Variants in VTCN1 observed in about 807,000 individuals in gnomAD.
VTCN1 encodes V-set domain containing T cell activation inhibitor 1.
VTCN1 carries 26 observed loss-of-function variants against 26.5 expected under a neutral mutation model. The observed-to-expected ratio is 0.98, with a 90% CI of 0.72 to 1.36. The LOEUF is 1.36. Ranked by LOEUF, VTCN1 falls within the 40% of genes most tolerant of loss-of-function variation. The pLI, the probability that VTCN1 is intolerant of heterozygous loss-of-function variation, is 0.00. For missense variants in VTCN1, 298 were observed against 337.7 expected (o/e 0.88, Z 0.92); for synonymous variants, 116 against 130.7 (o/e 0.89, Z 0.77).
At chr1:117,148,108 C>T (rs1651609766) in intron 4 of VTCN1, among the ~76,000 whole-genome samples, 1 of 152,196 alleles carries the variant, frequency 6.6e-6, no homozygotes, top group Non-Finnish European at 1.5e-5. Context: ...CGCATTTTCC[C>T]TCCAGGCAGT....
intron 1 of VTCN1, among the ~76,000 whole-genome samples, chr1:117,188,938 GT>G (rs1442469296): frequency 1.3e-5 from 2 of 152,134 alleles, no homozygotes; most frequent in Non-Finnish European, 2.9e-5. Flanking sequence ...GTAAAAAATA[GT>G]TTTCTAACTC....
Position 117,193,095 on chromosome 1 carries a change from C to A in VTCN1, c.32+17729G>T, listed in dbSNP as rs572771523. On this transcript the variant is annotated intron_variant, in intron 1 of 5. Transcript: ENST00000369458. ...TATTTTAAGTAATCTAGAGATGATTCAAAGTATATGGGAGATGTGCATAAA... is the reference window on the plus strand; with the variant it reads ...TATTTTAAGTAATCTAGAGATGATTAAAAGTATATGGGAGATGTGCATAAA... Among the ~76,000 whole-genome samples, 4 of 152,210 alleles carry A rather than the reference C, an allele frequency of 2.6e-5. No homozygotes were observed. In the South Asian group the frequency reaches 8.3e-4, roughly 32 times the overall value.
intron 1 of VTCN1, 39 bp downstream of exon 1, chr1:117,210,785 C>G: frequency 6.2e-7 from 1 of 1,610,686 alleles, no homozygotes; most frequent in Non-Finnish European, 8.5e-7. Context: ...CACTGCTGTT[C>G]CCTTCACCCA....
chr1:117,148,556 C>G (rs934958665), intron 4 of VTCN1, among the ~76,000 whole-genome samples: 1 of 152,210 alleles, frequency 6.6e-6, no homozygotes, highest in African/African-American at 2.4e-5. Context: ...TCCAAGTCTA[C>G]CTCCTTAGTT....
chr1:117,174,533 G>A (rs541577532), intron 1 of VTCN1, among the ~76,000 whole-genome samples: 30 of 152,294 alleles, frequency 2.0e-4, no homozygotes, highest in African/African-American at 5.8e-4. Context: ...TTGGGAGGCC[G>A]AGGCGGGCGG....
At chr1:117,151,700 C>G (rs531242501) in intron 4 of VTCN1, among the ~76,000 whole-genome samples, 9 of 152,316 alleles carry the variant, frequency 5.9e-5, no homozygotes, top group Admixed American at 4.6e-4. Context: ...CAAGTCCCCA[C>G]TCGACCCACG....
intron 1 of VTCN1, among the ~76,000 whole-genome samples, chr1:117,180,789 C>T (rs893946689): frequency 2.6e-5 from 4 of 152,206 alleles, no homozygotes; most frequent in Non-Finnish European, 4.4e-5. Context: ...TTGCTCTCCC[C>T]GCCTCTCTCC....
intron 3 of VTCN1, among the ~76,000 whole-genome samples, chr1:117,154,066 T>C (rs1032956455): frequency 6.6e-6 from 1 of 152,190 alleles, no homozygotes; most frequent in South Asian, 2.1e-4. Context: ...TAAAATATAA[T>C]TTATTAATTT....
At chr1:117,206,625 G>A (rs1649085063) in intron 1 of VTCN1, among the ~76,000 whole-genome samples, 1 of 151,818 alleles carries the variant, frequency 6.6e-6, no homozygotes. Context: ...CCCTCAAGGA[G>A]CGAACCCTGG....
In VTCN1 at chr1:117,165,487, C is replaced by T. The variant is rs572298843; in HGVS notation, c.97+4620G>A. ...CAGATCCCTTATAAATGGCTTGGGT[C>T]ATCCCCTTGGTGATAAGTGAGCTCT... On this transcript the variant is annotated intron_variant, in intron 2 of 5. Transcript: ENST00000369458. 2.0e-4 allele frequency among the ~76,000 whole-genome samples: 31 copies of T among 152,220 alleles called. No homozygotes were observed. The Middle Eastern group carries it at 0.01, about 50-fold the overall frequency.
rs1360468517 is a variant in VTCN1, at chr1:117,161,142, C to T, written c.98-4221G>A. ...TTTGCTGTGTAATAAGAACACAACA[C>T]ACCTCCATTCCCTGCATTGGTATTT... is the stretch of plus-strand genomic sequence containing the variant. On this transcript the variant is annotated intron_variant, in intron 2 of 5. Coordinates refer to ENST00000369458, the MANE Select transcript of VTCN1 (RefSeq NM_024626.4). The surrounding 1 kb of genome is among the most constrained non-coding windows in gnomAD (Gnocchi z 4.3). Among the ~76,000 whole-genome samples, 1 of 152,170 alleles carries T rather than the reference C, an allele frequency of 6.6e-6. No homozygotes were observed. Among genetic ancestry groups the T allele is most frequent in the Non-Finnish European group, 1.5e-5 (1 of 68,034 alleles).
Position 117,153,250 on chromosome 1 carries a change from C to T in VTCN1, c.565G>A (p.Ala189Thr). 6.2e-7 allele frequency: 1 copy of T among 1,614,120 alleles called. No individual in the cohort carries two copies. The highest frequency in any genetic ancestry group is 8.5e-7 in the Non-Finnish European group (1 of 1,180,012). The change falls in exon 4 of 6, where the codon GCC becomes ACC. Residue 189 changes from alanine to threonine, a missense_variant. Ala to Thr is a moderately conservative substitution (Grantham distance 58). Coordinates refer to ENST00000369458, the MANE Select transcript of VTCN1 (RefSeq NM_024626.4). Reference protein sequence around the residue: ...VVWASQVDQGANFSEVSNTSF... With the variant: ...VVWASQVDQGTNFSEVSNTSF... ...GTATTGGAGACTTCCGAGAAGTTGG[C>T]TCCCTGGTCAACTTGGGATGCCCAG...
chr1:117,203,904 C>T, intron 1 of VTCN1: 1 of 453,826 alleles, frequency 2.2e-6, no homozygotes, highest in Non-Finnish European at 2.9e-6. Context: ...TCTAATAGTT[C>T]CCAGGTGATG....
At chr1:117,177,053 C>T (rs181187430) in intron 1 of VTCN1, among the ~76,000 whole-genome samples, 25 of 152,136 alleles carry the variant, frequency 1.6e-4, no homozygotes, top group Non-Finnish European at 2.9e-4. Flanking sequence ...GAGCCGAGAT[C>T]GTGCCATTGC....
chr1:117,181,525 G>A (rs1023885788), intron 1 of VTCN1, among the ~76,000 whole-genome samples: 1 of 152,158 alleles, frequency 6.6e-6, no homozygotes, highest in African/African-American at 2.4e-5. Flanking sequence ...CTCTTCCCAG[G>A]TAATGAGAAG....
At chr1:117,173,236 C>G (rs995349998) in intron 1 of VTCN1, 1 of 711,208 alleles carries the variant, frequency 1.4e-6, no homozygotes. Flanking sequence ...ATGAACCCAC[C>G]AGAAGGAATA....
chr1:117,187,460 C>A (rs1010925763), intron 1 of VTCN1, among the ~76,000 whole-genome samples: 1 of 152,064 alleles, frequency 6.6e-6, no homozygotes, highest in African/African-American at 2.4e-5. Flanking sequence ...CAATGACATA[C>A]AGGATCCTGT....
chr1:117,184,765 A>G (rs1647855432), intron 1 of VTCN1, among the ~76,000 whole-genome samples: 1 of 152,126 alleles, frequency 6.6e-6, no homozygotes, highest in Non-Finnish European at 1.5e-5. Context: ...TGCTACTCAG[A>G]GGCTAAGGAC....
At chr1:117,184,520 G>T (rs1647838378) in intron 1 of VTCN1, among the ~76,000 whole-genome samples, 4 of 152,192 alleles carry the variant, frequency 2.6e-5, no homozygotes, top group Admixed American at 2.0e-4. Flanking sequence ...TATTTTTATA[G>T]TTCAGTGTTC....
Sources: gnomAD v4.1 joint callset for allele counts (sites outside exome capture counted in the v4.1 genomes callset) on GRCh38, gnomAD v4.1.1 for gene constraint, Gnocchi (gnomAD v3.1) non-coding constraint, MANE v1.5 for transcripts, NCBI Gene and HGNC (gene_info 2026-07-23, HGNC 2026-07-21) for gene names.